Variants in BCAS1 observed in about 807,000 individuals in gnomAD.
BCAS1 encodes breast carcinoma-amplified sequence 1.
In BCAS1, 46 loss-of-function variants were observed where a neutral mutation model predicts 65.4. The observed-to-expected ratio is 0.70, with a 90% confidence interval of 0.55 to 0.90. The LOEUF (loss-of-function observed/expected upper bound fraction) is 0.90, where lower values mean the gene tolerates loss of function less well. Among genes scored for constraint, BCAS1 ranks in the 40% least tolerant of loss-of-function variants. The pLI is 0.00. For missense variants in BCAS1, 793 were observed against 771.2 expected (o/e 1.03, Z -0.33); for synonymous variants, 298 against 293.5 (o/e 1.02, Z -0.16).
intron 12 of BCAS1, among the ~76,000 whole-genome samples, chr20:53,945,571 C>T (rs1160971190): frequency 6.6e-6 from 1 of 152,082 alleles, no homozygotes; most frequent in Non-Finnish European, 1.5e-5. Context: ...ATCCCAAACC[C>T]TATTTTATTC....
At chr20:54,049,614 C>A (rs1400000800) in intron 3 of BCAS1, among the ~76,000 whole-genome samples, 4 of 151,588 alleles carry the variant, frequency 2.6e-5, no homozygotes, top group African/African-American at 9.7e-5. Context: ...CTATGTTGCC[C>A]AGGCTGAACT....
chr20:54,014,621 C>T (rs1186139322), intron 4 of BCAS1, among the ~76,000 whole-genome samples: 1 of 152,174 alleles, frequency 6.6e-6, no homozygotes, highest in African/African-American at 2.4e-5. Context: ...CACCACGAAT[C>T]AGTACTGAAA....
chr20:53,980,941 C>T (rs1410981544), intron 8 of BCAS1, among the ~76,000 whole-genome samples: 1 of 152,160 alleles, frequency 6.6e-6, no homozygotes, highest in African/African-American at 2.4e-5. Context: ...GGTCCAGCCT[C>T]ATTAACAGTG....
intron 4 of BCAS1, among the ~76,000 whole-genome samples, chr20:54,005,854 G>T (rs540576367): frequency 6.6e-6 from 1 of 152,194 alleles, no homozygotes; most frequent in Non-Finnish European, 1.5e-5. Flanking sequence ...AGGCATGTGA[G>T]AAATGCAGAA....
At chr20:53,965,785 T>G (rs1179754812) in intron 10 of BCAS1, among the ~76,000 whole-genome samples, 1 of 152,200 alleles carries the variant, frequency 6.6e-6, no homozygotes, top group Non-Finnish European at 1.5e-5. Context: ...TGCCTGATAT[T>G]CTTTATGTAA....
At chr20:54,015,475 GA>G (rs1292582371) in intron 4 of BCAS1, among the ~76,000 whole-genome samples, 3 of 151,944 alleles carry the variant, frequency 2.0e-5, no homozygotes, top group Non-Finnish European at 4.4e-5. Flanking sequence ...AAAATTCAAT[GA>G]GTAGTTTTTT....
Position 53,977,078 on chromosome 20 carries a change from T to C in BCAS1, c.1276-1648A>G, listed in dbSNP as rs2090353491. On this transcript the variant is annotated intron_variant, in intron 8 of 12. Transcript: ENST00000688948. ...GGTGGAAGGGGAAACAGGCACATCT[T>C]ACATGGTGGCAGGCAAGAGAGAGCG... Among the ~76,000 whole-genome samples the C allele has an allele frequency of 3.9e-5, 6 of 152,270 alleles. No homozygotes were observed. The South Asian group carries it at 1.2e-3, about 32-fold the overall frequency.
Position 54,028,926 on chromosome 20 carries a change from G to A in BCAS1, c.189C>T (p.Ser63=), listed in dbSNP as rs747831244. The A allele has an allele frequency of 1.3e-5, 21 of 1,613,786 alleles. No individual in the cohort carries two copies. The highest frequency in any genetic ancestry group is 2.2e-5 in the East Asian group (1 of 44,886). ...SVKTDNVATS[S]PETTEISAVA... The stretch of plus-strand genomic sequence containing the variant: ...CAGCACTTATCTCCGTTGTCTCGGG[G>A]GAAGAAGTGGCCACATTATCCGTCT... The change falls in exon 4 of 13, where the codon TCC becomes TCT. Residue 63 remains serine, a synonymous_variant. Transcript: ENST00000688948.
chr20:54,046,181 G>A (rs186606368), intron 3 of BCAS1, among the ~76,000 whole-genome samples: 1 of 152,306 alleles, frequency 6.6e-6, no homozygotes, highest in East Asian at 1.9e-4. Flanking sequence ...TGTGTAACAA[G>A]CATCCCCAAA....
intron 7 of BCAS1, among the ~76,000 whole-genome samples, chr20:53,987,877 C>T (rs1016279): frequency 0.17 from 25,681 of 152,134 alleles, 2,189 homozygotes; most frequent in South Asian, 0.21. Context: ...CAGGGAACAA[C>T]TGCCCTAAGG....
In BCAS1 at chr20:54,066,287, T is replaced by G. The variant is rs374976524; in HGVS notation, c.-6+4146A>C. 3.3e-5 allele frequency among the ~76,000 whole-genome samples: 5 copies of G among 152,176 alleles called. No homozygotes were observed. The South Asian group carries it at 1.0e-3, about 32-fold the overall frequency. On this transcript the variant is annotated intron_variant, in intron 1 of 12. Transcript: ENST00000688948. ...CGGGGTTTCCCCGTGTTAGCCAGGATGGTCTCGATCTCCTGACCTCGTGAT... is the reference window on the plus strand; with the variant it reads ...CGGGGTTTCCCCGTGTTAGCCAGGAGGGTCTCGATCTCCTGACCTCGTGAT...
At chr20:54,046,371 T>G (rs942715385) in intron 3 of BCAS1, among the ~76,000 whole-genome samples, 1 of 151,490 alleles carries the variant, frequency 6.6e-6, no homozygotes, top group Admixed American at 6.6e-5. Flanking sequence ...GTACTAAAAA[T>G]ACAGAAGATT....
In BCAS1 at chr20:53,953,671, T is replaced by C. The variant is rs2089604639; in HGVS notation, c.1576A>G (p.Ile526Val). 4.3e-6 allele frequency: 7 copies of C among 1,613,748 alleles called. No homozygotes were observed. Among genetic ancestry groups the C allele is most frequent in the Admixed American group, 1.7e-5 (1 of 59,960 alleles). ...GTTGGTTCAGGCTCTGGCGGTGTGA[T>C]AGTCTTTTCTGTGGAGTCTGATGTC... ...CQTSDSTEKT[I>V]TPPEPEPTGA... Residue 526 changes from isoleucine to valine, a missense_variant, in exon 12 of 13, where the codon ATC becomes GTC. Physicochemically the swap from Ile to Val is conservative, Grantham distance 29 (BLOSUM62 3). Coordinates refer to ENST00000688948, the MANE Select transcript of BCAS1 (RefSeq NM_001366298.2).
chr20:54,006,278 C>T (rs208376), intron 4 of BCAS1, among the ~76,000 whole-genome samples: 110,225 of 152,040 alleles, frequency 0.72, 40,363 homozygotes, highest in East Asian at 0.98. Context: ...CTCACATGCA[C>T]TAGGGGAGGA....
chr20:53,972,050 T>G (rs978102236), intron 9 of BCAS1, among the ~76,000 whole-genome samples: 3 of 152,254 alleles, frequency 2.0e-5, no homozygotes, highest in African/African-American at 7.2e-5. Context: ...GACATCACTC[T>G]GTTTTTTAGT....
intron 9 of BCAS1, among the ~76,000 whole-genome samples, chr20:53,969,913 T>A (rs2090136168): frequency 6.6e-6 from 1 of 152,116 alleles, no homozygotes; most frequent in South Asian, 2.1e-4. Context: ...TACTTACTAG[T>A]GAAGAAAATG....
At chr20:53,965,626 A>G (rs1480599959) in intron 10 of BCAS1, among the ~76,000 whole-genome samples, 1 of 152,254 alleles carries the variant, frequency 6.6e-6, no homozygotes, top group Non-Finnish European at 1.5e-5. Context: ...ACTAAGTTAT[A>G]TATTTCACTA....
chr20:54,028,945 T>C lies in BCAS1; in HGVS notation c.170A>G (p.Asp57Gly). The C allele has an allele frequency of 3.7e-6, 6 of 1,613,086 alleles. No homozygotes were observed. Among genetic ancestry groups the C allele is most frequent in the Non-Finnish European group, 5.1e-6 (6 of 1,179,778 alleles). ...EVDLGISVKT[D>G]NVATSSPETT... ...CTCGGGGGAAGAAGTGGCCACATTA[T>C]CCGTCTTGACACTTATTCCCAAGTC... The change falls in exon 4 of 13, where the codon GAT becomes GGT. Residue 57 changes from aspartate to glycine, a missense_variant. Transcript: ENST00000688948.
chr20:54,038,690 A>G (rs1223245269), intron 3 of BCAS1, among the ~76,000 whole-genome samples: 1 of 151,464 alleles, frequency 6.6e-6, no homozygotes, highest in African/African-American at 2.4e-5. Flanking sequence ...AACTATCATT[A>G]TAATTTTATT....
Sources: gnomAD v4.1 joint callset for allele counts (sites outside exome capture counted in the v4.1 genomes callset) on GRCh38, gnomAD v4.1.1 for gene constraint, MANE v1.5 for transcripts, NCBI Gene and HGNC (gene_info 2026-07-23, HGNC 2026-07-21) for gene names.